Variants in PDE7B observed in about 807,000 individuals in gnomAD.
PDE7B encodes 3',5'-cyclic-AMP phosphodiesterase 7B.
In PDE7B, 29 loss-of-function variants were observed where a neutral mutation model predicts 56.2. The observed-to-expected ratio is 0.52, with a 90% CI of 0.38 to 0.70. PDE7B has a LOEUF of 0.70. Ranked by LOEUF, PDE7B falls within the 30% of genes least tolerant of loss-of-function variation. The pLI is 0.00. For synonymous variants in PDE7B, 197 were observed against 196.9 expected, an observed-to-expected ratio of 1.00 and a Z score of 0.00; for missense variants, 490 against 565.0, an observed-to-expected ratio of 0.87 and a Z score of 1.35.
At chr6:136,175,865 G>C (rs960269562) in intron 9 of PDE7B, among the ~76,000 whole-genome samples, 7 of 152,014 alleles carry the variant, frequency 4.6e-5, no homozygotes, top group Non-Finnish European at 8.8e-5. Context: ...CTTCTAAAAG[G>C]CTGTATCTAC....
At chr6:136,118,652 A>G (rs1777877761) in intron 3 of PDE7B, among the ~76,000 whole-genome samples, 1 of 152,256 alleles carries the variant, frequency 6.6e-6, no homozygotes, top group Non-Finnish European at 1.5e-5. Flanking sequence ...TAACCATAGT[A>G]AAGTATAATC....
At chr6:135,935,186 T>TTTTATATATATATA (rs1404954510) in intron 1 of PDE7B, among the ~76,000 whole-genome samples, 944 of 38,248 alleles carry the variant, frequency 0.025, 108 homozygotes, top group Middle Eastern at 0.12. Context: ...ATATATATAT[T>TTTTATATATATATA]TATTTATATA....
intron 1 of PDE7B, among the ~76,000 whole-genome samples, chr6:135,915,515 G>T (rs1018625904): frequency 5.9e-5 from 9 of 152,118 alleles, no homozygotes; most frequent in African/African-American, 1.9e-4. Context: ...CTCATTGTGG[G>T]TTTAATTTGC....
intron 2 of PDE7B, among the ~76,000 whole-genome samples, chr6:136,057,634 A>G (rs1428382634): frequency 2.0e-5 from 3 of 152,214 alleles, no homozygotes; most frequent in Admixed American, 6.5e-5. Context: ...TGAGTTGTCA[A>G]TTATTCATGG....
chr6:135,925,622 T>C (rs1774169863), intron 1 of PDE7B, among the ~76,000 whole-genome samples: 1 of 152,162 alleles, frequency 6.6e-6, no homozygotes, highest in Admixed American at 6.5e-5. Context: ...AAAAAAATTC[T>C]GAAATGAATA....
rs1339375588 is a variant in PDE7B, at chr6:136,148,986, G to T, written c.319-101G>T. 7.3e-6 allele frequency: 6 copies of T among 821,464 alleles called. No homozygotes were observed. The Admixed American group carries it at 9.7e-5, about 13-fold the overall frequency. The allele number at this position is 821,464 out of a possible 1,614,324, so 50.9% of individuals were successfully genotyped here. On this transcript the variant is annotated intron_variant, in intron 4 of 12. Transcript: ENST00000308191. ...TTTGCACTAGATGGTAGTATGCTAG[G>T]ATTTTCAACTTTTTAATTGTTTAAT...
At chr6:135,897,344 A>G (rs1474706412) in intron 1 of PDE7B, among the ~76,000 whole-genome samples, 1 of 150,338 alleles carries the variant, frequency 6.7e-6, no homozygotes, top group Non-Finnish European at 1.5e-5. Context: ...TTCTCAACTA[A>G]CTTTCACATT....
chr6:135,920,897 C>T (rs530196629), intron 1 of PDE7B, among the ~76,000 whole-genome samples: 37 of 152,252 alleles, frequency 2.4e-4, no homozygotes, highest in African/African-American at 7.9e-4. Flanking sequence ...GACGTCACTG[C>T]GGGATTTCAA....
intron 1 of PDE7B, among the ~76,000 whole-genome samples, chr6:135,909,174 G>GA (rs992515161): frequency 6.6e-6 from 1 of 151,136 alleles, no homozygotes. Flanking sequence ...ATTTTAAAAA[G>GA]AAAAAAAAAT....
At chr6:136,134,860 CAG>C (rs1778185346) in intron 3 of PDE7B, among the ~76,000 whole-genome samples, 1 of 151,596 alleles carries the variant, frequency 6.6e-6, no homozygotes, top group African/African-American at 2.4e-5. Flanking sequence ...AGCAGGGGTG[CAG>C]ACAGTCAGCT....
In PDE7B at chr6:136,173,802, G is replaced by A. The variant is rs1046199290; in HGVS notation, c.717G>A (p.Met239Ile). The A allele has an allele frequency of 2.2e-5, 35 of 1,599,574 alleles. No individual in the cohort carries two copies. Among genetic ancestry groups the A allele is most frequent in the Admixed American group, 1.8e-4 (11 of 59,858 alleles). ...NHHLANLYQN[M>I]SVLENHHWRS... Reference sequence around the variant, plus strand: ...CTTATTTTCTTTCTTTCTAGAATATGTCTGTGCTGGAGAATCATCACTGGC... The same window carrying A: ...CTTATTTTCTTTCTTTCTAGAATATATCTGTGCTGGAGAATCATCACTGGC... Residue 239 changes from methionine (M) to isoleucine (I), a missense_variant, in exon 9 of 13, where the codon ATG (methionine) becomes ATA (isoleucine). Coordinates refer to ENST00000308191, the MANE Select transcript of PDE7B (RefSeq NM_018945.4).
chr6:136,136,751 AAAT>A (rs947500670), intron 3 of PDE7B, among the ~76,000 whole-genome samples: 3 of 150,150 alleles, frequency 2.0e-5, no homozygotes, highest in Non-Finnish European at 2.9e-5. Context: ...AAAATAAAAT[AAAT>A]AATGAAAAAA....
rs535899505 is a variant in PDE7B at position 135,940,248 on chromosome 6, A to G, written c.22-7216A>G. ...CTCTTTTACCAGATAACTCTTTCCT[A>G]TGCTCCAGACTCAGGCCTGCGGTCA... On this transcript the variant is annotated intron_variant, in intron 1 of 12. Coordinates refer to ENST00000308191, the MANE Select transcript of PDE7B (RefSeq NM_018945.4). Among the ~76,000 whole-genome samples the G allele has an allele frequency of 9.9e-5, 15 of 152,226 alleles. No individual in the cohort carries two copies. The East Asian group carries it at 2.7e-3, about 28-fold the overall frequency.
At chr6:136,145,982 C>G (rs911974492) in intron 3 of PDE7B, among the ~76,000 whole-genome samples, 5 of 152,150 alleles carry the variant, frequency 3.3e-5, no homozygotes, top group Admixed American at 2.6e-4. Context: ...TGTCTAAATA[C>G]AACATGTGTA....
At chr6:136,187,529 A>G (rs555828550) in intron 12 of PDE7B, among the ~76,000 whole-genome samples, 81 of 152,246 alleles carry the variant, frequency 5.3e-4, no homozygotes, top group African/African-American at 1.9e-3. Flanking sequence ...CTCGCTCCCA[A>G]GAACCCAATC....
intron 8 of PDE7B, among the ~76,000 whole-genome samples, chr6:136,171,480 A>C (rs1778879470): frequency 6.6e-6 from 1 of 152,176 alleles, no homozygotes; most frequent in Non-Finnish European, 1.5e-5. Context: ...GTTTGGGCTT[A>C]GGAGGTTCTT....
At chr6:135,991,168 T>C (rs919000948) in intron 2 of PDE7B, among the ~76,000 whole-genome samples, 3 of 152,204 alleles carry the variant, frequency 2.0e-5, no homozygotes, top group Admixed American at 6.5e-5. Context: ...TACTGCACCC[T>C]GTTTTGTCAG....
intron 4 of PDE7B, 64 bp downstream of exon 4, chr6:136,147,566 A>G: frequency 7.1e-7 from 1 of 1,412,950 alleles, no homozygotes; most frequent in Non-Finnish European, 1.0e-6. Flanking sequence ...CTCAGCTGAT[A>G]GCACTGGTGT....
intron 2 of PDE7B, chr6:136,070,310 T>G (rs1777025706): frequency 6.6e-6 from 1 of 152,186 alleles, no homozygotes; most frequent in African/African-American, 2.4e-5. Context: ...TCCAATATAT[T>G]TGAATTCTTT....
Sources: allele counts gnomAD v4.1 joint callset (sites outside exome capture counted in the v4.1 genomes callset), GRCh38; gene constraint gnomAD v4.1.1; transcripts MANE v1.5; gene names NCBI Gene and HGNC (gene_info 2026-07-23, HGNC 2026-07-21).